LRRK2: variants seen among roughly 807,000 people sequenced by gnomAD.
The protein encoded by LRRK2 is leucine rich repeat kinase 2.
A neutral mutation model predicts 302.6 loss-of-function variants in LRRK2; 203 were observed. That is an observed-to-expected ratio of 0.67 (90% CI 0.60 to 0.75). The LOEUF (loss-of-function observed/expected upper bound fraction) is 0.75, where lower values mean the gene tolerates loss of function less well. LRRK2 is among the 30% of genes least tolerant of loss of function. The pLI, the probability that LRRK2 is intolerant of heterozygous loss-of-function variation, is 0.00. For synonymous variants in LRRK2, 1,066 were observed against 1,031.9 expected (o/e 1.03, Z -0.63); for missense variants, 2,830 against 2,951.0 (o/e 0.96, Z 0.95).
chr12:40,254,188 A>G (rs1027915432), intron 11 of LRRK2, among the ~76,000 whole-genome samples: 1 of 152,168 alleles, frequency 6.6e-6, no homozygotes, highest in African/African-American at 2.4e-5. Flanking sequence ...AGGGCAAAAA[A>G]TAGAGAAAAA....
At chr12:40,314,458 C>G (rs1015722451) in intron 32 of LRRK2, among the ~76,000 whole-genome samples, 1 of 151,964 alleles carries the variant, frequency 6.6e-6, no homozygotes, top group African/African-American at 2.4e-5. Flanking sequence ...CTTTACTATT[C>G]AGGAGCTGTG....
At chr12:40,339,137 C>G (rs1265498407) in intron 40 of LRRK2, among the ~76,000 whole-genome samples, 1 of 152,162 alleles carries the variant, frequency 6.6e-6, no homozygotes, top group African/African-American at 2.4e-5. Context: ...TGCTGCTCTG[C>G]TTCTAATCCT....
At chr12:40,364,464 A>G (rs911734661) in intron 48 of LRRK2, among the ~76,000 whole-genome samples, 2 of 151,740 alleles carry the variant, frequency 1.3e-5, no homozygotes, top group Non-Finnish European at 2.9e-5. Context: ...AATGACTATA[A>G]TTTTATGTTC....
Position 40,251,225 on chromosome 12 carries a change from T to C in LRRK2, c.959-7T>C. The C allele has an allele frequency of 6.5e-7, 1 of 1,539,650 alleles. No homozygotes were observed. Among genetic ancestry groups the C allele is most frequent in the African/African-American group, 1.4e-5 (1 of 72,756 alleles). ...ATGTTTTTATATATTTTTCAATTTT[T>C]TTCAAGCTGAGACTATTTTCTTAAA... On this transcript the variant is annotated splice_polypyrimidine_tract_variant and splice_region_variant and intron_variant, in intron 8 of 50. Coordinates refer to ENST00000298910, the MANE Select transcript of LRRK2 (RefSeq NM_198578.4).
rs868721934 is a variant in LRRK2 at position 40,345,641 on chromosome 12, A to G, written c.6110-1112A>G. On this transcript the variant is annotated intron_variant, in intron 41 of 50. Coordinates refer to ENST00000298910, the MANE Select transcript of LRRK2 (RefSeq NM_198578.4). ...CCATCTCAAAAAAAAAAAAAAAAAA[A>G]AAAAGAAAGAAAGAGTAGTACAATA... Among the ~76,000 whole-genome samples the G allele has an allele frequency of 2.3e-4, 35 of 151,030 alleles. No homozygotes were observed. In the South Asian group the frequency reaches 4.2e-3, roughly 18 times the overall value.
In LRRK2 at chr12:40,277,885, T is replaced by C; in HGVS notation, c.1942-3T>C. On this transcript the variant is annotated splice_polypyrimidine_tract_variant and splice_region_variant and intron_variant, in intron 16 of 50. Transcript: ENST00000298910. ...TTTATTATTTTTTTTCTTATACTTTTAGGGATTTCAGACAATCTTAGCAAT... is the reference window on the plus strand; with the variant it reads ...TTTATTATTTTTTTTCTTATACTTTCAGGGATTTCAGACAATCTTAGCAAT... 6.2e-7 allele frequency: 1 copy of C among 1,603,104 alleles called. No individual in the cohort carries two copies. Among genetic ancestry groups the C allele is most frequent in the Non-Finnish European group, 8.5e-7 (1 of 1,175,474 alleles).
Position 40,283,882 on chromosome 12 carries a change from A to T in LRRK2, c.2249A>T (p.Glu750Val). ...EGSSLICQVC[E>V]KESSPKLVEL... is the part of the protein sequence containing the mutation. Reference sequence around the variant, plus strand: ...ATTTTTTTTCTTTAATAGGTATGTGAGAAAGAGAGCAGTCCCAAATTGGTG... The same window carrying T: ...ATTTTTTTTCTTTAATAGGTATGTGTGAAAGAGAGCAGTCCCAAATTGGTG... The change falls in exon 19 of 51, where the codon GAG (glutamate) becomes GTG (valine). Residue 750 changes from glutamate to valine, a missense_variant. By Grantham distance (121) the Glu-to-Val change is moderately radical. This residue lies in a region of LRRK2 where 2,121 missense variants were observed against 2,148.0 expected (regional missense o/e 0.99). Transcript: ENST00000298910. 6.2e-7 allele frequency: 1 copy of T among 1,612,352 alleles called. No homozygotes were observed. Among genetic ancestry groups the T allele is most frequent in the Non-Finnish European group, 8.5e-7 (1 of 1,178,904 alleles).
intron 24 of LRRK2, 127 bp downstream of exon 24, chr12:40,298,620 A>T: frequency 8.0e-7 from 1 of 1,253,702 alleles, no homozygotes; most frequent in Non-Finnish European, 1.1e-6. Context: ...AAAAATACAA[A>T]AATTAGCCCA....
intron 14 of LRRK2, among the ~76,000 whole-genome samples, chr12:40,270,866 A>T (rs1054616842): frequency 6.6e-6 from 1 of 152,052 alleles, no homozygotes; most frequent in Non-Finnish European, 1.5e-5. Flanking sequence ...TACCAATTTG[A>T]TATAATTTTG....
rs142700458 is a variant in LRRK2 at position 40,287,444 on chromosome 12, C to T, written c.2594C>T (p.Ser865Phe). 290 of 1,612,662 alleles carry T rather than the reference C, an allele frequency of 1.8e-4. No individual in the cohort carries two copies. Among genetic ancestry groups the T allele is most frequent in the Non-Finnish European group, 3.9e-5 (46 of 1,179,150 alleles). ...GTASGSDGNF[S>F]EDVLSKFDEW... ...GCCTCAGGCAGCGATGGAAATTTTT[C>T]TGAAGATGTGCTGTCTAAATTTGAT... Residue 865 changes from serine (S) to phenylalanine (F), a missense_variant, in exon 20 of 51, where the codon TCT (serine) becomes TTT (phenylalanine). By Grantham distance (155) the Ser-to-Phe change is radical. Transcript: ENST00000298910.
Position 40,225,058 on chromosome 12 carries a change from C to G in LRRK2, c.-74C>G. 2 of 1,591,750 alleles carry G rather than the reference C, an allele frequency of 1.3e-6. No individual in the cohort carries two copies. Among genetic ancestry groups the G allele is most frequent in the Non-Finnish European group, 1.7e-6 (2 of 1,166,442 alleles). On this transcript the variant is annotated 5_prime_UTR_variant, in exon 1 of 51. Coordinates refer to ENST00000298910, the MANE Select transcript of LRRK2 (RefSeq NM_198578.4). ...TGAGCTCGCCCCCGGGGAGCTGTGG[C>G]CGGCGCCCCTGCCGGTTCCCTGAGC...
chr12:40,243,208 C>A (rs866166306), intron 6 of LRRK2, among the ~76,000 whole-genome samples: 1 of 151,170 alleles, frequency 6.6e-6, no homozygotes, highest in Non-Finnish European at 1.5e-5. Flanking sequence ...AAACTTATGA[C>A]CAATACATTA....
intron 44 of LRRK2, among the ~76,000 whole-genome samples, chr12:40,352,471 T>TTTTTTTTTTTTTTC (rs1429316814): frequency 7.2e-6 from 1 of 139,222 alleles, no homozygotes; most frequent in Non-Finnish European, 1.6e-5. Flanking sequence ...TAAACAATCT[T>TTTTTTTTTTTTTTC]TTTTTTTTAA....
At chr12:40,318,205 C>T (rs1945285296) in intron 33 of LRRK2, among the ~76,000 whole-genome samples, 1 of 151,888 alleles carries the variant, frequency 6.6e-6, no homozygotes, top group African/African-American at 2.4e-5. Flanking sequence ...ACCAGAGCAA[C>T]CACAAACCTA....
chr12:40,251,161 C>A, intron 8 of LRRK2, 71 bp from the exon 9 acceptor site: 2 of 1,051,056 alleles, frequency 1.9e-6, no homozygotes, highest in Non-Finnish European at 2.8e-6. Context: ...AAAATATGGA[C>A]TTAGAGTTGG....
intron 30 of LRRK2, among the ~76,000 whole-genome samples, chr12:40,309,487 A>G (rs1592268522): frequency 6.6e-6 from 1 of 152,142 alleles, no homozygotes. Flanking sequence ...ACTTGAAAAT[A>G]TATATGTTCA....
chr12:40,305,996 C>CAATTTAGTAAAGCACCCAAAAAAA, intron 28 of LRRK2, 30 bp downstream of exon 28: 1 of 1,537,324 alleles, frequency 6.5e-7, no homozygotes. Flanking sequence ...TTTGGTTTTA[C>CAATTTAGTAAAGCACCCAAAAAAA]TAAATTTATT....
In LRRK2 at chr12:40,316,384, T is replaced by C. The variant is rs947913243; in HGVS notation, c.4827+1084T>C. The C allele has an allele frequency of 1.1e-5, 11 of 965,076 alleles. No individual in the cohort carries two copies. In the Admixed American group the frequency reaches 6.2e-4, roughly 54 times the overall value. 59.8% of individuals were successfully genotyped at this position (965,076 alleles called of 1,614,324 possible). A position where few individuals can be genotyped will look rare whatever the true frequency, so the allele number is the denominator to read the frequency against. ...TTGCAATCAGCAATTATTTGCAGTG[T>C]GTCAGTTATTACTATTTTGGTAGGT... On this transcript the variant is annotated intron_variant, in intron 33 of 50. Coordinates refer to ENST00000298910, the MANE Select transcript of LRRK2 (RefSeq NM_198578.4).
chr12:40,328,155 C>T (rs1464764991), intron 38 of LRRK2, among the ~76,000 whole-genome samples: 3 of 151,760 alleles, frequency 2.0e-5, no homozygotes, highest in Non-Finnish European at 4.4e-5. Flanking sequence ...AGAGGGAAGA[C>T]GGGAAGGTTA....
Sources: allele counts gnomAD v4.1 joint callset (sites outside exome capture counted in the v4.1 genomes callset), GRCh38; gene constraint gnomAD v4.1.1; regional missense constraint gnomAD v4.1.1; transcripts MANE v1.5; gene names NCBI Gene and HGNC (gene_info 2026-07-23, HGNC 2026-07-21).